Variants in NAA15 observed in about 807,000 individuals in gnomAD.
NAA15 encodes N-alpha-acetyltransferase 15, NatA auxiliary subunit.
NAA15 carries 34 observed loss-of-function variants against 114.0 expected under a neutral mutation model. The ratio of observed to expected loss-of-function variants is 0.30; its 90% CI spans 0.23 to 0.40. NAA15 has a LOEUF of 0.40. Ranked by LOEUF, NAA15 falls within the 10% of genes least tolerant of loss-of-function variation. The pLI is 1.00. For synonymous variants in NAA15, 340 were observed against 338.0 expected (o/e 1.01, Z -0.06); for missense variants, 658 against 1,004.5 (o/e 0.66, Z 4.66).
At chr4:139,354,928 G>A (rs920057828) in intron 10 of NAA15, among the ~76,000 whole-genome samples, 13 of 152,176 alleles carry the variant, frequency 8.5e-5, no homozygotes, top group Non-Finnish European at 1.8e-4. Flanking sequence ...CCAGGCTGGT[G>A]TACAGTGGCA....
chr4:139,339,506 G>T (rs12651288), intron 3 of NAA15, among the ~76,000 whole-genome samples: 1 of 151,302 alleles, frequency 6.6e-6, no homozygotes, highest in Non-Finnish European at 1.5e-5. Flanking sequence ...TTTAAAAAAC[G>T]CAATAATTAG....
At chr4:139,315,323 C>T (rs902701245) in intron 1 of NAA15, among the ~76,000 whole-genome samples, 2 of 151,782 alleles carry the variant, frequency 1.3e-5, no homozygotes, top group African/African-American at 4.8e-5. Flanking sequence ...AGTTCCAGGC[C>T]AGCCTGGGCA....
At position 139,388,239 on chromosome 4, in the gene NAA15, AAG is replaced by A. The variant is rs753635097; in HGVS notation, c.*156_*157del. 2.4e-5 allele frequency: 14 copies of A among 581,036 alleles called. No individual in the cohort carries two copies. The highest frequency in any genetic ancestry group is 3.5e-5 in the Non-Finnish European group (12 of 339,764). The allele number at this position is 581,036 out of a possible 1,614,324, so 36.0% of individuals were successfully genotyped here. A position where few individuals can be genotyped will look rare whatever the true frequency, so the allele number is the denominator to read the frequency against. On this transcript the variant is annotated 3_prime_UTR_variant, in exon 20 of 20. Coordinates refer to ENST00000296543, the MANE Select transcript of NAA15 (RefSeq NM_057175.5). ...TTTTACGTTTTTTATCCTGCTGAAAAAGTATATATAAAATATCTAACATTACA... is the reference window on the plus strand; with the variant it reads ...TTTTACGTTTTTTATCCTGCTGAAAATATATATAAAATATCTAACATTACA...
Position 139,301,860 on chromosome 4 carries a change from G to C in NAA15, c.54+29G>C, listed in dbSNP as rs1298380364. ...AGTGTGAGGCTCCGGGCAAGCGGTG[G>C]GGAGGATTTAGCCGGTAACCGGGCC... On this transcript the variant is annotated intron_variant, in intron 1 of 19. Coordinates refer to ENST00000296543, the MANE Select transcript of NAA15 (RefSeq NM_057175.5). 2.5e-6 allele frequency: 4 copies of C among 1,575,222 alleles called. No homozygotes were observed. The Admixed American group carries it at 7.1e-5, about 28-fold the overall frequency.
chr4:139,311,231 CA>C (rs1052041752), intron 1 of NAA15, among the ~76,000 whole-genome samples: 1 of 151,942 alleles, frequency 6.6e-6, no homozygotes, highest in African/African-American at 2.4e-5. Flanking sequence ...ACGTTTTCCA[CA>C]ATTAAAATGT....
rs1560953050 is a variant in NAA15, at chr4:139,315,056, T to TTAGGTTAGGTTAGGTTAGG, written c.54+13226_54+13227insAGGTTAGGTTAGGTTAGGT. Among the ~76,000 whole-genome samples, 56 of 41,096 alleles carry TTAGGTTAGGTTAGGTTAGG rather than the reference T, an allele frequency of 1.4e-3. 4 individuals carry two copies. The highest frequency in any genetic ancestry group is 1.2e-3 in the Non-Finnish European group (23 of 19,844). The allele number at this position is 41,096 out of a possible 152,430, so 27.0% of individuals were successfully genotyped here. The stretch of plus-strand genomic sequence containing the variant: ...GTTAGGTTAGGTTAGGTTAGGTTAG[T>TTAGGTTAGGTTAGGTTAGG]TTAGTTTAGTTTAGTTTAGTTTTTG... On this transcript the variant is annotated intron_variant, in intron 1 of 19. Coordinates refer to ENST00000296543, the MANE Select transcript of NAA15 (RefSeq NM_057175.5).
intron 10 of NAA15, among the ~76,000 whole-genome samples, chr4:139,357,008 A>G (rs1183600026): frequency 7.9e-5 from 12 of 151,142 alleles, no homozygotes; most frequent in African/African-American, 9.7e-5. Context: ...TTAACCTCAC[A>G]TGAATAGAGA....
chr4:139,352,689 C>T (rs1279348708), intron 9 of NAA15, among the ~76,000 whole-genome samples: 13 of 98,864 alleles, frequency 1.3e-4, no homozygotes, highest in African/African-American at 2.9e-4. Flanking sequence ...TTTTTTGAGA[C>T]GGAGTTTCAC....
chr4:139,303,463 T>G (rs1327777575), intron 1 of NAA15, among the ~76,000 whole-genome samples: 1 of 152,208 alleles, frequency 6.6e-6, no homozygotes, highest in African/African-American at 2.4e-5. Context: ...CCTATGTATA[T>G]GTATATATAC....
At chr4:139,303,767 G>A (rs886475643) in intron 1 of NAA15, among the ~76,000 whole-genome samples, 1 of 152,198 alleles carries the variant, frequency 6.6e-6, no homozygotes, top group Admixed American at 6.5e-5. Context: ...GAGGAAGACT[G>A]TCTCAAAACA....
intron 1 of NAA15, among the ~76,000 whole-genome samples, chr4:139,309,542 C>T (rs929012479): frequency 6.6e-6 from 1 of 151,624 alleles, no homozygotes; most frequent in South Asian, 2.1e-4. Context: ...TGCCAAGTAG[C>T]TGAGATTATG....
chr4:139,337,702 G>T (rs1427504820), intron 3 of NAA15, among the ~76,000 whole-genome samples: 1 of 152,158 alleles, frequency 6.6e-6, no homozygotes, highest in African/African-American at 2.4e-5. Context: ...AATTTTAAGT[G>T]CTGAAACAAT....
intron 1 of NAA15, among the ~76,000 whole-genome samples, chr4:139,311,497 A>T (rs1185439121): frequency 6.6e-6 from 1 of 152,096 alleles, no homozygotes; most frequent in Admixed American, 6.5e-5. Context: ...AGCCTATATT[A>T]TGGTAAGACT....
Position 139,354,018 on chromosome 4 carries a change from T to C in NAA15, c.1015-8T>C. On this transcript the variant is annotated splice_region_variant and splice_polypyrimidine_tract_variant and intron_variant, in intron 9 of 19. Transcript: ENST00000296543. ...CTATTAAAGTGTGTTTGTGTGTTTG[T>C]ACTCTAGGTGGCAATCATAGAAGAG... 3.1e-6 allele frequency: 5 copies of C among 1,609,500 alleles called. No homozygotes were observed. Among genetic ancestry groups the C allele is most frequent in the Non-Finnish European group, 4.2e-6 (5 of 1,177,230 alleles).
At chr4:139,302,962 G>T (rs1258439666) in intron 1 of NAA15, among the ~76,000 whole-genome samples, 1 of 152,188 alleles carries the variant, frequency 6.6e-6, no homozygotes, top group Non-Finnish European at 1.5e-5. Context: ...TAAAATTTGG[G>T]ATGTGTGTGT....
intron 15 of NAA15, among the ~76,000 whole-genome samples, chr4:139,373,556 A>G (rs954407334): frequency 6.6e-6 from 1 of 152,204 alleles, no homozygotes; most frequent in African/African-American, 2.4e-5. Flanking sequence ...GAACTTGAGT[A>G]TAAATCTCAG....
At chr4:139,353,888 G>GT (rs1242205441) in intron 9 of NAA15, 138 bp from the exon 10 acceptor site, 1 of 626,798 alleles carries the variant, frequency 1.6e-6, no homozygotes, top group East Asian at 2.8e-5. Flanking sequence ...GTATCTAGAG[G>GT]TTAAGATATT....
chr4:139,386,205 A>C lies in NAA15; in HGVS notation c.2375A>C (p.Glu792Ala). 1 of 1,607,162 alleles carries C rather than the reference A, an allele frequency of 6.2e-7. No homozygotes were observed. Among genetic ancestry groups the C allele is most frequent in the South Asian group, 1.1e-5 (1 of 90,514 alleles). ...ATAGAGTTGGCAACAACACTTGATGAATCTCTCACTAACAGAAACCTCCAG... is the reference window on the plus strand; with the variant it reads ...ATAGAGTTGGCAACAACACTTGATGCATCTCTCACTAACAGAAACCTCCAG... ...RAIELATTLD[E>A]SLTNRNLQTC... The change falls in exon 19 of 20, where the codon GAA becomes GCA. Residue 792 changes from glutamate (E) to alanine (A), a missense_variant. Physicochemically the swap from Glu to Ala is moderately radical, Grantham distance 107. Coordinates refer to ENST00000296543, the MANE Select transcript of NAA15 (RefSeq NM_057175.5).
chr4:139,340,856 T>G, intron 3 of NAA15, 56 bp from the exon 4 acceptor site: 2 of 1,364,522 alleles, frequency 1.5e-6, no homozygotes, highest in Admixed American at 2.8e-5. Context: ...TTTTGGGAGG[T>G]CGTTTGGAAT....
Sources: gnomAD v4.1 joint callset for allele counts (sites outside exome capture counted in the v4.1 genomes callset) on GRCh38, gnomAD v4.1.1 for gene constraint, MANE v1.5 for transcripts, NCBI Gene and HGNC (gene_info 2026-07-23, HGNC 2026-07-21) for gene names.